The following USP48 variants were observed in gnomAD, a reference collection of about 807,000 sequenced individuals.
USP48 encodes ubiquitin carboxyl-terminal hydrolase 48.
Under a neutral mutation model 150.7 loss-of-function variants are expected in USP48, and 43 were observed. The observed-to-expected ratio is 0.29, with a 90% CI of 0.22 to 0.37. The LOEUF is 0.37. USP48 is among the 10% of genes least tolerant of loss of function. The pLI, the probability that USP48 is intolerant of heterozygous loss-of-function variation, is 1.00. For missense variants in USP48, 813 were observed against 1,249.6 expected (o/e 0.65, Z 5.27); for synonymous variants, 396 against 425.9 (o/e 0.93, Z 0.86).
chr1:21,782,244 G>A (rs78286556), intron 1 of USP48, among the ~76,000 whole-genome samples: 10,893 of 152,178 alleles, frequency 0.072, 470 homozygotes, highest in Middle Eastern at 0.11. Flanking sequence ...GTGAAGGACA[G>A]CACTATCACA....
chr1:21,719,734 G>C (rs1489925155), intron 14 of USP48, among the ~76,000 whole-genome samples: 1 of 152,092 alleles, frequency 6.6e-6, no homozygotes, highest in Non-Finnish European at 1.5e-5. Context: ...GGGCGTGGTG[G>C]TGTGCACCTG....
chr1:21,723,508 C>T (rs1348931943), intron 12 of USP48, among the ~76,000 whole-genome samples: 2 of 142,636 alleles, frequency 1.4e-5, no homozygotes, highest in African/African-American at 5.2e-5. Context: ...AGTGAGACTC[C>T]ATCTCAAAAA....
At chr1:21,714,011 G>A (rs756597972) in intron 15 of USP48, among the ~76,000 whole-genome samples, 3 of 152,104 alleles carry the variant, frequency 2.0e-5, no homozygotes, top group Non-Finnish European at 2.9e-5. Context: ...CAGAATGCTA[G>A]TACTACTCTA....
chr1:21,689,923 T>C (rs769683365), intron 24 of USP48, 51 bp downstream of exon 24: 14 of 1,606,428 alleles, frequency 8.7e-6, no homozygotes, highest in Admixed American at 6.8e-5. Flanking sequence ...TACACATAGT[T>C]ATGTAACATG....
chr1:21,693,328 T>A (rs1242742267), intron 23 of USP48, among the ~76,000 whole-genome samples: 1 of 152,188 alleles, frequency 6.6e-6, no homozygotes, highest in Non-Finnish European at 1.5e-5. Flanking sequence ...CCTTACAAAC[T>A]CTGATGCTAT....
intron 25 of USP48, among the ~76,000 whole-genome samples, chr1:21,683,815 A>G (rs770196137): frequency 6.6e-6 from 1 of 152,220 alleles, no homozygotes; most frequent in African/African-American, 2.4e-5. Context: ...CCATCCACTC[A>G]TAACTACCAT....
At chr1:21,704,149 G>A (rs2097665391) in intron 20 of USP48, 113 bp downstream of exon 20, 1 of 1,211,720 alleles carries the variant, frequency 8.3e-7, no homozygotes, top group South Asian at 1.5e-5. Flanking sequence ...TTCCACCTAG[G>A]GAGTTGGGAC....
intron 8 of USP48, among the ~76,000 whole-genome samples, chr1:21,741,997 T>C (rs2097782986): frequency 6.6e-6 from 1 of 151,850 alleles, no homozygotes; most frequent in Admixed American, 6.6e-5. Context: ...AGAGTGTCGA[T>C]TGCTTAATGT....
intron 8 of USP48, among the ~76,000 whole-genome samples, chr1:21,740,159 C>A (rs538509494): frequency 6.6e-6 from 1 of 152,336 alleles, no homozygotes; most frequent in East Asian, 1.9e-4. Context: ...GATCCACCCG[C>A]CTTGGCCTCC....
intron 7 of USP48, 67 bp from the exon 8 acceptor site, chr1:21,747,216 T>C: frequency 1.8e-6 from 2 of 1,137,360 alleles, no homozygotes; most frequent in Non-Finnish European, 2.5e-6. Flanking sequence ...TAAGCTCTAT[T>C]AGCTATTTTA....
At chr1:21,762,292 ACTGATT>A (rs1365255061) in intron 1 of USP48, among the ~76,000 whole-genome samples, 3 of 152,012 alleles carry the variant, frequency 2.0e-5, no homozygotes, top group African/African-American at 7.2e-5. Flanking sequence ...AAGAAACAAA[ACTGATT>A]CTGAGACTGA....
chr1:21,697,320 A>G (rs1571738816), intron 22 of USP48, among the ~76,000 whole-genome samples: 1 of 152,118 alleles, frequency 6.6e-6, no homozygotes, highest in African/African-American at 2.4e-5. Context: ...TTAAAAAGAA[A>G]AAAAAAAAAT....
chr1:21,774,431 G>A (rs949864320), intron 1 of USP48, among the ~76,000 whole-genome samples: 2 of 152,088 alleles, frequency 1.3e-5, no homozygotes, highest in Non-Finnish European at 2.9e-5. Flanking sequence ...GCTCATGCCT[G>A]TAATCCCAGC....
intron 15 of USP48, chr1:21,715,039 GAC>G (rs1353532462): frequency 1.0e-5 from 2 of 196,958 alleles, no homozygotes; most frequent in Non-Finnish European, 2.1e-5. Flanking sequence ...CTAGGACAGT[GAC>G]AGTCAGAGAT....
intron 9 of USP48, among the ~76,000 whole-genome samples, chr1:21,733,457 A>AT (rs888079922): frequency 1.3e-5 from 2 of 152,182 alleles, no homozygotes; most frequent in African/African-American, 4.8e-5. Context: ...GATGTTAATG[A>AT]TTTTGTATAA....
intron 25 of USP48, among the ~76,000 whole-genome samples, chr1:21,683,839 G>T (rs2097573463): frequency 6.6e-6 from 1 of 152,082 alleles, no homozygotes; most frequent in East Asian, 1.9e-4. Flanking sequence ...ACAGCCAAAA[G>T]ATCAGCTTTT....
chr1:21,777,687 C>A (rs559947106), intron 1 of USP48, among the ~76,000 whole-genome samples: 2 of 151,430 alleles, frequency 1.3e-5, no homozygotes, highest in South Asian at 2.1e-4. Context: ...AATAAGAAGG[C>A]GGAGAAGAAG....
At chr1:21,757,442 ATTAT>A in intron 2 of USP48, 1 of 386,782 alleles carries the variant, frequency 2.6e-6, no homozygotes, top group Non-Finnish European at 4.5e-6. Flanking sequence ...AACTAAAACT[ATTAT>A]TTAAAGGCTT....
chr1:21,735,428 C>A (rs11807258), intron 9 of USP48, among the ~76,000 whole-genome samples: 2 of 151,996 alleles, frequency 1.3e-5, no homozygotes, highest in Non-Finnish European at 2.9e-5. Context: ...GGTAAGACCC[C>A]GTCTCCACAA....
Sources: gnomAD v4.1 joint callset for allele counts (sites outside exome capture counted in the v4.1 genomes callset) on GRCh38, gnomAD v4.1.1 for gene constraint, MANE v1.5 for transcripts, NCBI Gene and HGNC (gene_info 2026-07-23, HGNC 2026-07-21) for gene names.